SOBP: variants seen among roughly 807,000 people sequenced by gnomAD.
The protein encoded by SOBP is sine oculis-binding protein homolog.
Under a neutral mutation model 53.6 loss-of-function variants are expected in SOBP, and 4 were observed. That is an observed-to-expected ratio of 0.07 (90% confidence interval 0.04 to 0.17). The LOEUF is 0.17. Ranked by LOEUF, SOBP falls within the 10% of genes least tolerant of loss-of-function variation. The pLI is 1.00. For synonymous variants in SOBP, 584 were observed against 522.6 expected, an observed-to-expected ratio of 1.12 and a Z score of -1.60; for missense variants, 1,088 against 1,204.7, an observed-to-expected ratio of 0.90 and a Z score of 1.43.
chr6:107,642,980 T>C (rs1771395898), intron 6 of SOBP, among the ~76,000 whole-genome samples: 1 of 152,268 alleles, frequency 6.6e-6, no homozygotes, highest in Admixed American at 6.5e-5. Context: ...CAATTTGTAA[T>C]GATATCCTCC....
intron 1 of SOBP, among the ~76,000 whole-genome samples, chr6:107,500,731 T>G (rs974833998): frequency 1.3e-5 from 2 of 152,028 alleles, no homozygotes; most frequent in Non-Finnish European, 2.9e-5. Context: ...TTCACCATGT[T>G]AGCCAGGATG....
At chr6:107,568,140 G>C (rs778391109) in intron 4 of SOBP, among the ~76,000 whole-genome samples, 8 of 151,952 alleles carry the variant, frequency 5.3e-5, no homozygotes, top group Non-Finnish European at 1.0e-4. Flanking sequence ...TAATAGATAG[G>C]GTTAAATGGC....
chr6:107,652,695 A>G (rs1258180242), intron 6 of SOBP, among the ~76,000 whole-genome samples: 1 of 152,178 alleles, frequency 6.6e-6, no homozygotes, highest in Admixed American at 6.5e-5. Context: ...GAATCAACCA[A>G]TGTGGCAAAC....
At chr6:107,533,941 A>C (rs992624253) in intron 4 of SOBP, among the ~76,000 whole-genome samples, 2 of 152,184 alleles carry the variant, frequency 1.3e-5, no homozygotes, top group Non-Finnish European at 2.9e-5. Flanking sequence ...TAAGTGGTAG[A>C]TATTTCTTTA....
intron 4 of SOBP, among the ~76,000 whole-genome samples, chr6:107,580,336 C>T (rs1562629846): frequency 6.6e-6 from 1 of 152,080 alleles, no homozygotes; most frequent in Non-Finnish European, 1.5e-5. Context: ...AGAAATAACT[C>T]GTATTTAAGG....
At chr6:107,560,284 G>A (rs1377014204) in intron 4 of SOBP, among the ~76,000 whole-genome samples, 1 of 151,706 alleles carries the variant, frequency 6.6e-6, no homozygotes, top group Non-Finnish European at 1.5e-5. Flanking sequence ...GATCCTGGTA[G>A]TAAAGATAGG....
At chr6:107,626,151 AAG>A (rs1770451463) in intron 5 of SOBP, among the ~76,000 whole-genome samples, 1 of 152,246 alleles carries the variant, frequency 6.6e-6, no homozygotes, top group Non-Finnish European at 1.5e-5. Flanking sequence ...ATTTTAAAAA[AAG>A]AGGAGTCACA....
intron 2 of SOBP, among the ~76,000 whole-genome samples, chr6:107,504,193 G>T (rs1188826274): frequency 1.3e-5 from 2 of 152,206 alleles, no homozygotes; most frequent in Non-Finnish European, 2.9e-5. Context: ...GACTGCTAGA[G>T]AGATTCACTG....
At chr6:107,572,385 C>A (rs1785099562) in intron 4 of SOBP, among the ~76,000 whole-genome samples, 3 of 151,674 alleles carry the variant, frequency 2.0e-5, no homozygotes, top group Admixed American at 6.6e-5. Context: ...CTCACTGCAG[C>A]CTCTGCCTCC....
intron 4 of SOBP, among the ~76,000 whole-genome samples, chr6:107,563,460 A>T (rs1340033294): frequency 6.6e-6 from 1 of 152,112 alleles, no homozygotes; most frequent in Non-Finnish European, 1.5e-5. Context: ...GAGAATTCTG[A>T]TTTTCTCAGC....
At chr6:107,617,725 C>G (rs1013719708) in intron 5 of SOBP, among the ~76,000 whole-genome samples, 1 of 152,046 alleles carries the variant, frequency 6.6e-6, no homozygotes, top group Non-Finnish European at 1.5e-5. Flanking sequence ...CTGCCCACCC[C>G]ACAGCTTGAT....
intron 6 of SOBP, among the ~76,000 whole-genome samples, chr6:107,657,049 G>A (rs995075490): frequency 3.3e-5 from 5 of 152,252 alleles, no homozygotes; most frequent in Admixed American, 6.5e-5. Context: ...TGATCAAAGT[G>A]TGTCGAGCGC....
intron 4 of SOBP, among the ~76,000 whole-genome samples, chr6:107,534,951 G>A (rs1346680302): frequency 1.3e-5 from 2 of 152,146 alleles, no homozygotes; most frequent in African/African-American, 4.8e-5. Flanking sequence ...TGAATGCCGA[G>A]CACTGGAGTA....
intron 6 of SOBP, among the ~76,000 whole-genome samples, chr6:107,649,895 T>C (rs1285287000): frequency 6.6e-6 from 1 of 152,104 alleles, no homozygotes; most frequent in African/African-American, 2.4e-5. Context: ...TCTTCGCCCC[T>C]CAGAAACTTT....
chr6:107,540,692 A>G (rs1425340747), intron 4 of SOBP, among the ~76,000 whole-genome samples: 1 of 152,114 alleles, frequency 6.6e-6, no homozygotes, highest in Non-Finnish European at 1.5e-5. Flanking sequence ...GTTAAATGAA[A>G]CTCCTGTAGT....
intron 3 of SOBP, chr6:107,514,217 A>G (rs1431115485): frequency 6.6e-6 from 1 of 152,228 alleles, no homozygotes; most frequent in Admixed American, 6.5e-5. Context: ...ATATGATCAA[A>G]ACATCATTCT....
intron 3 of SOBP, among the ~76,000 whole-genome samples, chr6:107,522,713 T>A: frequency 6.6e-6 from 1 of 151,726 alleles, no homozygotes; most frequent in Admixed American, 6.6e-5. Flanking sequence ...CAGCTAATTT[T>A]TGTATTTTTT....
chr6:107,550,556 C>A (rs1418285272), intron 4 of SOBP, among the ~76,000 whole-genome samples: 1 of 152,092 alleles, frequency 6.6e-6, no homozygotes, highest in African/African-American at 2.4e-5. Flanking sequence ...GGGAGAGCAA[C>A]CAGTAAACAA....
At chr6:107,493,122 G>C (rs906587901) in intron 1 of SOBP, among the ~76,000 whole-genome samples, 18 of 152,078 alleles carry the variant, frequency 1.2e-4, no homozygotes, top group African/African-American at 4.3e-4. Flanking sequence ...CCAGCTCCCT[G>C]AACCTAAGTG....
Sources: allele counts gnomAD v4.1 joint callset (sites outside exome capture counted in the v4.1 genomes callset), GRCh38; gene constraint gnomAD v4.1.1; transcripts MANE v1.5; gene names NCBI Gene and HGNC (gene_info 2026-07-23, HGNC 2026-07-21).